USP15: variants seen among roughly 807,000 people sequenced by gnomAD.
USP15 encodes the protein ubiquitin specific peptidase 15, also known as ubiquitin carboxyl-terminal hydrolase 15.
A neutral mutation model predicts 127.1 loss-of-function variants in USP15; 18 were observed. The observed-to-expected ratio is 0.14, with a 90% CI of 0.10 to 0.21. The LOEUF (loss-of-function observed/expected upper bound fraction) is 0.21. Among genes scored for constraint, USP15 ranks in the 10% least tolerant of loss-of-function variants. The pLI is 1.00. For missense variants in USP15, 805 were observed against 1,159.9 expected, an observed-to-expected ratio of 0.69 and a Z score of 4.44; for synonymous variants, 364 against 393.7, an observed-to-expected ratio of 0.92 and a Z score of 0.89.
chr12:62,262,508 G>A (rs555268360), intron 1 of USP15, among the ~76,000 whole-genome samples: 12 of 152,242 alleles, frequency 7.9e-5, no homozygotes, highest in East Asian at 1.9e-4. Context: ...TTAATGTCAC[G>A]TTTTTGTATA....
rs759185477 is a variant in USP15 at position 62,414,849 on chromosome 12, G to A, written c.*10474G>A. The A allele has an allele frequency of 4.0e-5, 6 of 151,210 alleles. No homozygotes were observed. The highest frequency in any genetic ancestry group is 8.8e-5 in the Non-Finnish European group (6 of 67,886). 9.4% of individuals were successfully genotyped at this position (151,210 alleles called of 1,614,324 possible). On this transcript the variant is annotated 3_prime_UTR_variant, in exon 22 of 22. Coordinates refer to ENST00000280377, the MANE Select transcript of USP15 (RefSeq NM_001252078.2). The stretch of plus-strand genomic sequence containing the variant: ...AAAAAAAAAATGAGATCCTGTTTCT[G>A]TCTTAAAGTTCTCTTCTAATTCCTT...
intron 1 of USP15, chr12:62,277,450 T>G (rs1592476410): frequency 6.6e-6 from 1 of 152,154 alleles, no homozygotes; most frequent in East Asian, 1.9e-4. Context: ...TTTGTGTTTC[T>G]AAATATAGAA....
At position 62,321,852 on chromosome 12, in the gene USP15, A is replaced by T. The variant is rs567170378; in HGVS notation, c.621+243A>T. ...AGAAAAAAATCCCAGCTAATATTAT[A>T]AGGTGGGTCAGCAAACTTTCTGTGA... is the stretch of plus-strand genomic sequence containing the variant. On this transcript the variant is annotated intron_variant, in intron 5 of 21. Coordinates refer to ENST00000280377, the MANE Select transcript of USP15 (RefSeq NM_001252078.2). Among the ~76,000 whole-genome samples, 21 of 152,274 alleles carry T rather than the reference A, an allele frequency of 1.4e-4. No homozygotes were observed. In the South Asian group the frequency reaches 1.4e-3, roughly 11 times the overall value.
At chr12:62,398,652 T>C (rs928721283) in intron 20 of USP15, among the ~76,000 whole-genome samples, 2 of 152,232 alleles carry the variant, frequency 1.3e-5, no homozygotes, top group African/African-American at 4.8e-5. Context: ...ATTGTCTATA[T>C]TAATCTTTAG....
chr12:62,319,974 T>C (rs1226344564), intron 4 of USP15, among the ~76,000 whole-genome samples: 1 of 152,222 alleles, frequency 6.6e-6, no homozygotes, highest in Admixed American at 6.5e-5. Flanking sequence ...GTTTTGTTTC[T>C]TGATCTTGGT....
Position 62,412,710 on chromosome 12 carries a change from C to G in USP15, c.*8335C>G, listed in dbSNP as rs572564749. ...TTCAAGTTTTATCATAAGATTGCAGCAATCCAGACACATCTTCAGGCTCCA... is the reference window on the plus strand; with the variant it reads ...TTCAAGTTTTATCATAAGATTGCAGGAATCCAGACACATCTTCAGGCTCCA... On this transcript the variant is annotated 3_prime_UTR_variant, in exon 22 of 22. Coordinates refer to ENST00000280377, the MANE Select transcript of USP15 (RefSeq NM_001252078.2). 1 of 152,328 alleles carries G rather than the reference C, an allele frequency of 6.6e-6. No homozygotes were observed. The highest frequency in any genetic ancestry group is 2.1e-4 in the South Asian group (1 of 4,826). The allele number at this position is 152,328 out of a possible 1,614,324, so 9.4% of individuals were successfully genotyped here.
intron 6 of USP15, among the ~76,000 whole-genome samples, chr12:62,330,737 A>G (rs2065267477): frequency 6.6e-6 from 1 of 150,494 alleles, no homozygotes; most frequent in South Asian, 2.1e-4. Context: ...TCTGTGCAAC[A>G]TAACAAGACC....
At chr12:62,310,465 A>G (rs1370941492) in intron 3 of USP15, among the ~76,000 whole-genome samples, 1 of 151,858 alleles carries the variant, frequency 6.6e-6, no homozygotes, top group African/African-American at 2.4e-5. Flanking sequence ...TTCCACGTAA[A>G]AGTAAGAACA....
intron 1 of USP15, among the ~76,000 whole-genome samples, chr12:62,280,788 T>C (rs1305593355): frequency 6.6e-6 from 1 of 152,146 alleles, no homozygotes; most frequent in Non-Finnish European, 1.5e-5. Flanking sequence ...GAAAGAAGGC[T>C]CTTGCAGCTG....
intron 3 of USP15, chr12:62,303,405 T>A (rs1264486766): frequency 1.3e-5 from 2 of 152,576 alleles, no homozygotes; most frequent in Non-Finnish European, 2.9e-5. Context: ...CTAGAAACAT[T>A]AAGAATAACC....
At chr12:62,335,107 T>C in intron 6 of USP15, 1 of 1,502,540 alleles carries the variant, frequency 6.7e-7, no homozygotes, top group Non-Finnish European at 8.9e-7. Context: ...TCTAGGTAAG[T>C]GGTTTGATGT....
At chr12:62,321,298 G>C (rs968817751) in intron 4 of USP15, among the ~76,000 whole-genome samples, 166 bp from the exon 5 acceptor site, 7 of 151,914 alleles carry the variant, frequency 4.6e-5, no homozygotes, top group Non-Finnish European at 1.0e-4. Flanking sequence ...ATAAAAACTT[G>C]GTCTTAAAAA....
Position 62,404,498 on chromosome 12 carries a change from A to C in USP15, c.*123A>C. On this transcript the variant is annotated 3_prime_UTR_variant, in exon 22 of 22. Coordinates refer to ENST00000280377, the MANE Select transcript of USP15 (RefSeq NM_001252078.2). ...GGGAGTTTCAGATAACCGAATGTAA[A>C]TCCTTTATCAGATTTTAACTTGTGC... 7.4e-7 allele frequency: 1 copy of C among 1,344,170 alleles called. No individual in the cohort carries two copies. The highest frequency in any genetic ancestry group is 9.7e-7 in the Non-Finnish European group (1 of 1,026,948). 83.3% of individuals were successfully genotyped at this position (1,344,170 alleles called of 1,614,324 possible). A position where few individuals can be genotyped will look rare whatever the true frequency, so the allele number is the denominator to read the frequency against.
intron 15 of USP15, 38 bp from the exon 16 acceptor site, chr12:62,391,119 A>G (rs776946258): frequency 6.4e-7 from 1 of 1,569,938 alleles, no homozygotes; most frequent in South Asian, 1.2e-5. Flanking sequence ...AAAATATAGC[A>G]TTGGGTTTAT....
At chr12:62,306,998 T>C (rs1173466425) in intron 3 of USP15, among the ~76,000 whole-genome samples, 1 of 152,170 alleles carries the variant, frequency 6.6e-6, no homozygotes, top group East Asian at 1.9e-4. Context: ...CAGGAGGGCT[T>C]CAAGAAGCTT....
chr12:62,339,654 T>C (rs1565868906), intron 6 of USP15, among the ~76,000 whole-genome samples: 1 of 152,224 alleles, frequency 6.6e-6, no homozygotes, highest in Non-Finnish European at 1.5e-5. Context: ...ATGTGGTTTT[T>C]GTCATTGGTT....
intron 9 of USP15, among the ~76,000 whole-genome samples, chr12:62,382,685 A>G (rs1285235145): frequency 6.6e-6 from 1 of 151,972 alleles, no homozygotes; most frequent in Non-Finnish European, 1.5e-5. Context: ...GTCTCATCCA[A>G]AAACAAAAAT....
At chr12:62,261,151 C>T (rs964203871) in intron 1 of USP15, among the ~76,000 whole-genome samples, 4 of 152,066 alleles carry the variant, frequency 2.6e-5, no homozygotes, top group African/African-American at 7.2e-5. Flanking sequence ...TGATAGAAGC[C>T]GGCAGCGTTT....
At position 62,405,948 on chromosome 12, in the gene USP15, G is replaced by A. The variant is rs756715809; in HGVS notation, c.*1573G>A. 8.8e-5 allele frequency: 13 copies of A among 147,530 alleles called. No individual in the cohort carries two copies. The highest frequency in any genetic ancestry group is 1.5e-4 in the Non-Finnish European group (10 of 66,840). 9.1% of individuals were successfully genotyped at this position (147,530 alleles called of 1,614,324 possible). A position where few individuals can be genotyped will look rare whatever the true frequency, so the allele number is the denominator to read the frequency against. ...ATATTAAAGCTGGTTTATCATCCTGGTATTTTAAAAGCTGCTTTGGGGTTT... is the reference window on the plus strand; with the variant it reads ...ATATTAAAGCTGGTTTATCATCCTGATATTTTAAAAGCTGCTTTGGGGTTT... On this transcript the variant is annotated 3_prime_UTR_variant, in exon 22 of 22. Coordinates refer to ENST00000280377, the MANE Select transcript of USP15 (RefSeq NM_001252078.2).
Sources: gnomAD v4.1 joint callset for allele counts (sites outside exome capture counted in the v4.1 genomes callset) on GRCh38, gnomAD v4.1.1 for gene constraint, MANE v1.5 for transcripts, NCBI Gene and HGNC (gene_info 2026-07-23, HGNC 2026-07-21) for gene names.